ATXN1: variants seen among roughly 807,000 people sequenced by gnomAD.
ATXN1 encodes the protein ataxin-1.
ATXN1 carries 8 observed loss-of-function variants against 56.4 expected under a neutral mutation model. That is an observed-to-expected ratio of 0.14 (90% confidence interval 0.08 to 0.26). The LOEUF (loss-of-function observed/expected upper bound fraction) is 0.26. Ranked by LOEUF, ATXN1 falls within the 10% of genes least tolerant of loss-of-function variation. The pLI is 1.00. For missense variants in ATXN1, 987 were observed against 1,106.5 expected (o/e 0.89, Z 1.53); for synonymous variants, 514 against 494.6 (o/e 1.04, Z -0.52).
Position 16,305,674 on chromosome 6 carries a change from T to C in ATXN1, c.*655A>G, listed in dbSNP as rs1161687340. On this transcript the variant is annotated 3_prime_UTR_variant, in exon 8 of 8. Coordinates refer to ENST00000436367, the MANE Select transcript of ATXN1 (RefSeq NM_001128164.2). ...TGCAGTCAGGCCCCATAGGGGGAAA[T>C]ATATATCTATACAATTAAAAGTTGC... 6.5e-6 allele frequency: 1 copy of C among 152,734 alleles called. No homozygotes were observed. The highest frequency in any genetic ancestry group is 2.4e-5 in the African/African-American group (1 of 41,470). The allele number at this position is 152,734 out of a possible 1,614,324, so 9.5% of individuals were successfully genotyped here.
chr6:16,434,676 C>T (rs1700103790), intron 6 of ATXN1, among the ~76,000 whole-genome samples: 1 of 152,102 alleles, frequency 6.6e-6, no homozygotes, highest in Non-Finnish European at 1.5e-5. Flanking sequence ...TTTAATACAT[C>T]TAAGTTTTTC....
intron 5 of ATXN1, among the ~76,000 whole-genome samples, chr6:16,499,341 T>C (rs1244917326): frequency 6.6e-6 from 1 of 152,228 alleles, no homozygotes; most frequent in Non-Finnish European, 1.5e-5. Flanking sequence ...ATACATTATT[T>C]TAAAAATTAA....
chr6:16,703,100 A>G (rs985568001), intron 2 of ATXN1, among the ~76,000 whole-genome samples: 1 of 152,156 alleles, frequency 6.6e-6, no homozygotes, highest in East Asian at 1.9e-4. Flanking sequence ...AACAATGATA[A>G]ACTGCATTAA....
chr6:16,627,173 T>C (rs1291999898), intron 3 of ATXN1, among the ~76,000 whole-genome samples: 1 of 152,230 alleles, frequency 6.6e-6, no homozygotes, highest in Non-Finnish European at 1.5e-5. Context: ...TCTGACTTCT[T>C]GGTCAAGCCA....
chr6:16,510,159 AG>A (rs1168658196), intron 5 of ATXN1, among the ~76,000 whole-genome samples: 4 of 152,186 alleles, frequency 2.6e-5, no homozygotes, highest in African/African-American at 9.7e-5. Flanking sequence ...TTCAGATCAT[AG>A]GATTTTTGAA....
chr6:16,390,927 G>A (rs931291571), intron 6 of ATXN1, among the ~76,000 whole-genome samples: 7 of 152,078 alleles, frequency 4.6e-5, no homozygotes, highest in African/African-American at 1.4e-4. Context: ...TTGGGAGGCC[G>A]AGGCAGGTGA....
chr6:16,684,810 C>A (rs1485857358), intron 2 of ATXN1, among the ~76,000 whole-genome samples: 1 of 150,850 alleles, frequency 6.6e-6, no homozygotes, highest in Non-Finnish European at 1.5e-5. Context: ...ATTTTAGGAT[C>A]TTATTAGCAA....
chr6:16,566,091 G>C (rs149461255), intron 4 of ATXN1, among the ~76,000 whole-genome samples: 122 of 152,204 alleles, frequency 8.0e-4, no homozygotes, highest in Non-Finnish European at 1.4e-3. Flanking sequence ...ATTGAGAGCA[G>C]ATTATAAAAG....
chr6:16,395,277 A>AAAAAAAAAAAAAAC (rs1758430534), intron 6 of ATXN1, among the ~76,000 whole-genome samples: 1 of 150,878 alleles, frequency 6.6e-6, no homozygotes, highest in Non-Finnish European at 1.5e-5. Context: ...TCTCAAAAAA[A>AAAAAAAAAAAAAAC]AAAAAAAAAA....
At chr6:16,592,608 CT>C (rs1363496535) in intron 3 of ATXN1, among the ~76,000 whole-genome samples, 1 of 152,022 alleles carries the variant, frequency 6.6e-6, no homozygotes, top group African/African-American at 2.4e-5. Flanking sequence ...ATTTTCTAGG[CT>C]TTTGGTAGGA....
At chr6:16,755,457 T>C (rs1413293972) in intron 1 of ATXN1, among the ~76,000 whole-genome samples, 1 of 152,090 alleles carries the variant, frequency 6.6e-6, no homozygotes, top group African/African-American at 2.4e-5. Context: ...TACAATACTA[T>C]TAATATTGGA....
intron 1 of ATXN1, among the ~76,000 whole-genome samples, chr6:16,755,920 T>C (rs1760873832): frequency 6.6e-6 from 1 of 152,178 alleles, no homozygotes; most frequent in Non-Finnish European, 1.5e-5. Flanking sequence ...CATTAAAAGT[T>C]ACAGAAAAAT....
intron 6 of ATXN1, among the ~76,000 whole-genome samples, chr6:16,382,952 T>C (rs945408480): frequency 3.3e-5 from 5 of 151,966 alleles, no homozygotes. Context: ...CATGGCACCA[T>C]GCTCAGAAAG....
chr6:16,757,866 T>C lies in ATXN1; in HGVS notation c.-730+3432A>G, dbSNP rs3749932. On this transcript the variant is annotated intron_variant, in intron 1 of 7. Transcript: ENST00000436367. ...CTTTTTGCCATAATATTATTTCTCT[T>C]TGCTTAGCCAGCTTTATCAGTGGTG... Among the ~76,000 whole-genome samples the C allele has an allele frequency of 1.5e-3, 226 of 151,922 alleles. 4 individuals carry two copies. The East Asian group carries it at 0.041, about 28-fold the overall frequency.
At chr6:16,734,124 T>A (rs1158915994) in intron 2 of ATXN1, among the ~76,000 whole-genome samples, 1 of 152,178 alleles carries the variant, frequency 6.6e-6, no homozygotes, top group East Asian at 1.9e-4. Context: ...ACTATAGAGT[T>A]AAGATTTGTG....
At chr6:16,351,843 G>A (rs942386113) in intron 6 of ATXN1, among the ~76,000 whole-genome samples, 7 of 152,226 alleles carry the variant, frequency 4.6e-5, no homozygotes, top group Non-Finnish European at 1.0e-4. Context: ...AGTCCCAGAT[G>A]TGTGCTGACG....
chr6:16,685,208 G>GC (rs1258729308), intron 2 of ATXN1, among the ~76,000 whole-genome samples: 1 of 152,076 alleles, frequency 6.6e-6, no homozygotes, highest in Non-Finnish European at 1.5e-5. Context: ...GATCACTAAT[G>GC]CCATTTGTAT....
intron 3 of ATXN1, among the ~76,000 whole-genome samples, chr6:16,642,649 C>T (rs1325341225): frequency 1.3e-5 from 2 of 152,264 alleles, no homozygotes; most frequent in East Asian, 1.9e-4. Flanking sequence ...ATGTGGCAAA[C>T]GTCATTGTTG....
chr6:16,391,544 G>A (rs1758355546), intron 6 of ATXN1, among the ~76,000 whole-genome samples: 1 of 152,112 alleles, frequency 6.6e-6, no homozygotes, highest in Non-Finnish European at 1.5e-5. Context: ...CTGTGACGGA[G>A]GAAATTTAAG....
Sources: allele counts gnomAD v4.1 joint callset (sites outside exome capture counted in the v4.1 genomes callset), GRCh38; gene constraint gnomAD v4.1.1; transcripts MANE v1.5; gene names NCBI Gene and HGNC (gene_info 2026-07-23, HGNC 2026-07-21).